Variants in PPARGC1A observed in about 807,000 individuals in gnomAD.
The protein encoded by PPARGC1A is peroxisome proliferator-activated receptor gamma coactivator 1-alpha.
A neutral mutation model predicts 88.7 loss-of-function variants in PPARGC1A; 25 were observed. The ratio of observed to expected loss-of-function variants is 0.28; its 90% CI spans 0.21 to 0.39. The LOEUF is 0.39. Among genes scored for constraint, PPARGC1A ranks in the 10% least tolerant of loss-of-function variants. The pLI, the probability that PPARGC1A is intolerant of heterozygous loss-of-function variation, is 1.00. For missense variants in PPARGC1A, 880 were observed against 968.7 expected (o/e 0.91, Z 1.22); for synonymous variants, 363 against 355.6 (o/e 1.02, Z -0.24).
At chr4:24,272,666 G>A in the PPARGC1A span, among the ~76,000 whole-genome samples, 1 of 152,074 alleles carries the variant, frequency 6.6e-6, no homozygotes, top group Non-Finnish European at 1.5e-5. Context: ...ACACAAAGTG[G>A]GGAAGAACCC....
At chr4:24,452,021 T>A in the PPARGC1A span, among the ~76,000 whole-genome samples, 8 of 152,144 alleles carry the variant, frequency 5.3e-5, no homozygotes, top group Non-Finnish European at 1.2e-4. Context: ...CAGATTACCC[T>A]CCCAAGTGTG....
intron 12 of PPARGC1A, among the ~76,000 whole-genome samples, chr4:23,799,371 C>T (rs577344659): frequency 6.6e-6 from 1 of 152,286 alleles, no homozygotes; most frequent in South Asian, 2.1e-4. Flanking sequence ...CAGACACGTG[C>T]TAATAGCATC....
At chr4:24,152,262 C>G in the PPARGC1A span, among the ~76,000 whole-genome samples, 5 of 152,264 alleles carry the variant, frequency 3.3e-5, no homozygotes, top group Admixed American at 2.6e-4. Context: ...AAAGGAGGAG[C>G]TTTCAGGGCA....
At chr4:23,852,179 C>T (rs537385752) in intron 2 of PPARGC1A, among the ~76,000 whole-genome samples, 2 of 152,144 alleles carry the variant, frequency 1.3e-5, no homozygotes, top group African/African-American at 2.4e-5. Flanking sequence ...TTCTTTCTAG[C>T]TCAAGTTTCA....
At chr4:24,051,479 C>A in the PPARGC1A span, among the ~76,000 whole-genome samples, 2 of 152,178 alleles carry the variant, frequency 1.3e-5, no homozygotes, top group Non-Finnish European at 2.9e-5. Flanking sequence ...TCTTAACACT[C>A]ACAGTAGCCC....
the PPARGC1A span, among the ~76,000 whole-genome samples, chr4:23,969,018 A>G: frequency 3.3e-5 from 5 of 152,208 alleles, no homozygotes; most frequent in Non-Finnish European, 5.9e-5. Flanking sequence ...AGAGAGTGTT[A>G]TGGAGGCCTG....
At chr4:23,917,068 T>C in the PPARGC1A span, among the ~76,000 whole-genome samples, 1 of 152,178 alleles carries the variant, frequency 6.6e-6, no homozygotes, top group South Asian at 2.1e-4. Flanking sequence ...CCTCTGCCTG[T>C]AGATTGACAT....
the PPARGC1A span, among the ~76,000 whole-genome samples, chr4:24,314,118 A>T: frequency 6.6e-6 from 1 of 152,252 alleles, no homozygotes; most frequent in South Asian, 2.1e-4. Flanking sequence ...CAAAAGAGTA[A>T]AAAATGCACT....
chr4:24,032,354 AG>A, the PPARGC1A span, among the ~76,000 whole-genome samples: 246 of 152,264 alleles, frequency 1.6e-3, no homozygotes, highest in African/African-American at 5.4e-3. Context: ...GAGCTCACAC[AG>A]GGGCTCCTGG....
chr4:24,243,963 G>C, the PPARGC1A span, among the ~76,000 whole-genome samples: 1 of 152,206 alleles, frequency 6.6e-6, no homozygotes, highest in East Asian at 1.9e-4. Flanking sequence ...CATCTGTTGA[G>C]TGAAGAGTAG....
At chr4:24,190,103 A>AC in the PPARGC1A span, among the ~76,000 whole-genome samples, 117 of 152,232 alleles carry the variant, frequency 7.7e-4, 1 homozygote, top group Middle Eastern at 3.4e-3. Context: ...ACAAGTTGTG[A>AC]CCCTTTGGTC....
the PPARGC1A span, among the ~76,000 whole-genome samples, chr4:24,351,532 C>T: frequency 9.2e-5 from 14 of 152,050 alleles, no homozygotes; most frequent in Non-Finnish European, 1.8e-4. Flanking sequence ...TTTGACTACA[C>T]GTGTTCTGCT....
chr4:23,909,818 T>C, the PPARGC1A span, among the ~76,000 whole-genome samples: 1 of 151,686 alleles, frequency 6.6e-6, no homozygotes, highest in Admixed American at 6.6e-5. Flanking sequence ...TGGTAAATGT[T>C]AGTTCTTCTC....
the PPARGC1A span, among the ~76,000 whole-genome samples, chr4:24,296,076 A>G: frequency 6.6e-6 from 1 of 151,058 alleles, no homozygotes; most frequent in Admixed American, 6.6e-5. Flanking sequence ...ATATGTATAT[A>G]TGTACATATA....
chr4:23,796,154 A>G (rs1046176969), intron 12 of PPARGC1A, among the ~76,000 whole-genome samples: 2 of 152,114 alleles, frequency 1.3e-5, no homozygotes, highest in African/African-American at 4.8e-5. Flanking sequence ...ACACCCTGGG[A>G]GTTAGGCAGA....
At chr4:24,314,542 C>CA in the PPARGC1A span, among the ~76,000 whole-genome samples, 1 of 152,140 alleles carries the variant, frequency 6.6e-6, no homozygotes, top group South Asian at 2.1e-4. Context: ...CTATTGTTTA[C>CA]AAATCACCCA....
chr4:24,170,362 T>A, the PPARGC1A span, among the ~76,000 whole-genome samples: 1 of 152,212 alleles, frequency 6.6e-6, no homozygotes, highest in African/African-American at 2.4e-5. Flanking sequence ...TGGACATTAA[T>A]GTACTATAAA....
chr4:24,074,347 C>A, the PPARGC1A span, among the ~76,000 whole-genome samples: 2 of 148,346 alleles, frequency 1.3e-5, no homozygotes, highest in Non-Finnish European at 2.9e-5. Flanking sequence ...ATTATACTTA[C>A]AATTTGCCAT....
upstream of PPARGC1A, among the ~76,000 whole-genome samples, chr4:23,904,430 C>T (rs1164595490): frequency 6.6e-6 from 1 of 152,128 alleles, no homozygotes; most frequent in African/African-American, 2.4e-5. Context: ...GACACTTTAT[C>T]CCGGGAACCC....
Sources: gnomAD v4.1 joint callset for allele counts (sites outside exome capture counted in the v4.1 genomes callset) on GRCh38, gnomAD v4.1.1 for gene constraint, MANE v1.5 for transcripts, NCBI Gene and HGNC (gene_info 2026-07-23, HGNC 2026-07-21) for gene names.